Variants in PDE7B observed in about 807,000 individuals in gnomAD.
PDE7B encodes phosphodiesterase 7B, also known as 3',5'-cyclic-AMP phosphodiesterase 7B.
A neutral mutation model predicts 56.2 loss-of-function variants in PDE7B; 29 were observed. That is an observed-to-expected ratio of 0.52 (90% CI 0.38 to 0.70). The LOEUF (loss-of-function observed/expected upper bound fraction) is 0.70. Ranked by LOEUF, PDE7B falls within the 30% of genes least tolerant of loss-of-function variation. The probability of loss-of-function intolerance (pLI) is 0.00; values close to 1 mark genes in which losing one functional copy is unlikely to be tolerated. For missense variants in PDE7B, 490 were observed against 565.0 expected (o/e 0.87, Z 1.35); for synonymous variants, 197 against 196.9 (o/e 1.00, Z 0.00).
At chr6:136,023,933 A>T (rs935194185) in intron 2 of PDE7B, among the ~76,000 whole-genome samples, 2 of 152,174 alleles carry the variant, frequency 1.3e-5, no homozygotes, top group African/African-American at 4.8e-5. Flanking sequence ...CCCAGAGAGC[A>T]TTATCTATTT....
intron 2 of PDE7B, among the ~76,000 whole-genome samples, chr6:136,080,913 T>C (rs2128215064): frequency 6.6e-6 from 1 of 152,280 alleles, no homozygotes; most frequent in South Asian, 2.1e-4. Flanking sequence ...GGGAATGTGG[T>C]CTGGGAAAGC....
chr6:135,853,617 A>C (rs921166301), intron 1 of PDE7B, among the ~76,000 whole-genome samples: 1 of 152,208 alleles, frequency 6.6e-6, no homozygotes, highest in South Asian at 2.1e-4. Context: ...GCCTTGTAAG[A>C]ATTTTTACCT....
chr6:136,133,266 G>T (rs1222697142), intron 3 of PDE7B, among the ~76,000 whole-genome samples: 1 of 149,954 alleles, frequency 6.7e-6, no homozygotes, highest in Admixed American at 6.6e-5. Context: ...AACAAGAAGG[G>T]GCTGCCAAAA....
Position 135,965,247 on chromosome 6 carries a change from G to A in PDE7B, c.82+17723G>A, listed in dbSNP as rs1348782596. On this transcript the variant is annotated intron_variant, in intron 2 of 12. Coordinates refer to ENST00000308191, the MANE Select transcript of PDE7B (RefSeq NM_018945.4). ...TATCTGTGAGAAATGGAGTAACAGT[G>A]GTAGAGGCGGAGGTGAGGGTGCTGA... Among the ~76,000 whole-genome samples, 12 of 152,330 alleles carry A rather than the reference G, an allele frequency of 7.9e-5. No homozygotes were observed. The East Asian group carries it at 2.3e-3, about 29-fold the overall frequency.
rs1276587231 is a variant in PDE7B at position 136,173,900 on chromosome 6, C to T, written c.803+12C>T. ...CCAAAGGAAATGACGTAAGTGCTGC[C>T]GAGATGAAACATACTGATGTGCATG... On this transcript the variant is annotated intron_variant, in intron 9 of 12. Coordinates refer to ENST00000308191, the MANE Select transcript of PDE7B (RefSeq NM_018945.4). 1.0e-5 allele frequency: 16 copies of T among 1,574,244 alleles called. No homozygotes were observed. The highest frequency in any genetic ancestry group is 1.4e-5 in the Non-Finnish European group (16 of 1,144,098).
chr6:136,110,733 TA>T (rs1159525920), intron 3 of PDE7B, among the ~76,000 whole-genome samples: 4 of 150,204 alleles, frequency 2.7e-5, no homozygotes, highest in African/African-American at 5.0e-5. Flanking sequence ...TTTTTTTTTT[TA>T]CAATTTGCCT....
intron 2 of PDE7B, chr6:136,038,572 ATAAC>A: frequency 2.4e-6 from 3 of 1,228,508 alleles, no homozygotes; most frequent in Admixed American, 2.7e-5. Flanking sequence ...ACCAAGTCTG[ATAAC>A]TAACTCCCTT....
intron 2 of PDE7B, among the ~76,000 whole-genome samples, chr6:136,018,235 C>A (rs372068437): frequency 1.0e-3 from 157 of 152,242 alleles, no homozygotes; most frequent in African/African-American, 3.5e-3. Context: ...AGTAGCAGAT[C>A]ACTAAATCCA....
At chr6:135,971,475 G>T (rs1775093297) in intron 2 of PDE7B, among the ~76,000 whole-genome samples, 1 of 152,092 alleles carries the variant, frequency 6.6e-6, no homozygotes, top group Non-Finnish European at 1.5e-5. Flanking sequence ...CGTCAGAGAA[G>T]GAGTCAATTT....
intron 1 of PDE7B, among the ~76,000 whole-genome samples, chr6:135,923,616 G>A (rs535691026): frequency 6.6e-6 from 1 of 152,088 alleles, no homozygotes; most frequent in East Asian, 1.9e-4. Context: ...TTTGTATTAA[G>A]AACAATATAA....
chr6:136,108,263 G>A (rs1450635052), intron 2 of PDE7B, among the ~76,000 whole-genome samples: 6 of 152,102 alleles, frequency 3.9e-5, no homozygotes, highest in Admixed American at 3.9e-4. Context: ...CCTGTGAGCC[G>A]ATTCTAAAGC....
intron 9 of PDE7B, among the ~76,000 whole-genome samples, chr6:136,174,530 G>A (rs1359258565): frequency 6.6e-6 from 1 of 152,136 alleles, no homozygotes; most frequent in African/African-American, 2.4e-5. Context: ...GTGGCCCCAA[G>A]TTAGCTGCTA....
rs748792925 is a variant in PDE7B at position 136,147,506 on chromosome 6, A to G, written c.318+4A>G. The G allele has an allele frequency of 3.7e-6, 6 of 1,613,312 alleles. No homozygotes were observed. Among genetic ancestry groups the G allele is most frequent in the Non-Finnish European group, 5.1e-6 (6 of 1,179,480 alleles). On this transcript the variant is annotated splice_donor_region_variant and intron_variant, in intron 4 of 12. Transcript: ENST00000308191. Reference sequence around the variant, plus strand: ...AGACTACCTTGGACAAGCAAGGGTAAGCTGACTGCCCCATCTCCTCACAGC... The same window carrying G: ...AGACTACCTTGGACAAGCAAGGGTAGGCTGACTGCCCCATCTCCTCACAGC...
intron 2 of PDE7B, among the ~76,000 whole-genome samples, chr6:136,081,641 CAA>C (rs1043659904): frequency 2.6e-5 from 4 of 152,156 alleles, no homozygotes; most frequent in African/African-American, 9.7e-5. Context: ...TCTTTCAAAA[CAA>C]ACAGATAGGC....
At chr6:136,125,970 A>T (rs889940993) in intron 3 of PDE7B, among the ~76,000 whole-genome samples, 2 of 152,122 alleles carry the variant, frequency 1.3e-5, no homozygotes, top group Admixed American at 6.5e-5. Flanking sequence ...TTATTCTCAT[A>T]AGTTAAAAAA....
At chr6:135,995,345 A>G (rs1775546071) in intron 2 of PDE7B, among the ~76,000 whole-genome samples, 1 of 152,236 alleles carries the variant, frequency 6.6e-6, no homozygotes, top group African/African-American at 2.4e-5. Context: ...ATGTGTCTGA[A>G]TCCCACTATC....
At chr6:135,935,825 T>C (rs1774410999) in intron 1 of PDE7B, among the ~76,000 whole-genome samples, 1 of 152,238 alleles carries the variant, frequency 6.6e-6, no homozygotes, top group South Asian at 2.1e-4. Context: ...GGGATTTCCA[T>C]TGATTGCCAG....
At chr6:136,023,960 CT>C (rs1430960242) in intron 2 of PDE7B, among the ~76,000 whole-genome samples, 24 of 152,032 alleles carry the variant, frequency 1.6e-4, no homozygotes, top group Admixed American at 1.5e-3. Flanking sequence ...CAGGAGCAGG[CT>C]TTTTGCAATG....
chr6:136,179,971 C>G (rs1193694215), intron 10 of PDE7B, among the ~76,000 whole-genome samples: 1 of 152,180 alleles, frequency 6.6e-6, no homozygotes, highest in Non-Finnish European at 1.5e-5. Context: ...AAAAATGTGA[C>G]CTGGTATCCA....
Sources: allele counts gnomAD v4.1 joint callset (sites outside exome capture counted in the v4.1 genomes callset), GRCh38; gene constraint gnomAD v4.1.1; transcripts MANE v1.5; gene names NCBI Gene and HGNC (gene_info 2026-07-23, HGNC 2026-07-21).